The following SMARCA4 variants were observed in gnomAD, a reference collection of about 807,000 sequenced individuals.
SMARCA4 encodes SWI/SNF-related matrix-associated actin-dependent regulator of chromatin subfamily A member 4.
SMARCA4 carries 31 observed loss-of-function variants against 193.9 expected under a neutral mutation model. The ratio of observed to expected loss-of-function variants is 0.16; its 90% confidence interval spans 0.12 to 0.22. SMARCA4 has a LOEUF of 0.22. SMARCA4 is among the 10% of genes least tolerant of loss of function. The pLI is 1.00. For missense variants in SMARCA4, 1,148 were observed against 2,296.0 expected, an observed-to-expected ratio of 0.50 and a Z score of 10.22; for synonymous variants, 942 against 933.1, an observed-to-expected ratio of 1.01 and a Z score of -0.17.
chr19:11,059,014 C>T, intron 32 of SMARCA4, 125 bp downstream of exon 32: 1 of 770,052 alleles, frequency 1.3e-6, no homozygotes, highest in Non-Finnish European at 2.2e-6. Context: ...GTGGTTCGTG[C>T]CTGTAATCCC....
At chr19:11,045,942 GTC>G (rs1302228964) in intron 30 of SMARCA4, among the ~76,000 whole-genome samples, 3 of 151,838 alleles carry the variant, frequency 2.0e-5, no homozygotes, top group Non-Finnish European at 4.4e-5. Context: ...GAAAAAAAAA[GTC>G]TGGGTGTGGT....
rs112814729 is a variant in SMARCA4, at chr19:10,995,076, A to C, written c.1593+75A>C. 7.9e-4 allele frequency: 1,091 copies of C among 1,373,436 alleles called. 14 individuals are homozygous for C. In the African/African-American group the frequency reaches 0.013, roughly 16 times the overall value. The allele number at this position is 1,373,436 out of a possible 1,614,324, so 85.1% of individuals were successfully genotyped here. ...CTGCGGGCTCCAGGGGTCACTCCCC[A>C]GGGTTACGCCAAGGCATTTCACAGC... On this transcript the variant is annotated intron_variant, in intron 9 of 34. Transcript: ENST00000344626.
chr19:10,976,376 TG>T (rs1351862913), intron 1 of SMARCA4, among the ~76,000 whole-genome samples: 2 of 152,178 alleles, frequency 1.3e-5, no homozygotes, highest in East Asian at 3.9e-4. Flanking sequence ...GAGGGTGAGC[TG>T]GCCAGGAGGA....
chr19:11,025,439 G>T lies in SMARCA4; in HGVS notation c.3099G>T (p.Lys1033Asn). The T allele has an allele frequency of 6.2e-7, 1 of 1,612,388 alleles. No homozygotes were observed. Among genetic ancestry groups the T allele is most frequent in the South Asian group, 1.1e-5 (1 of 91,036 alleles). ...EKDKKGKGGT[K>N]TLMNTIMQLR... ...CCTTCCAGGGCAAAGGCGGCACCAAGACCCTGATGAACACCATCATGCAGC... is the reference window on the plus strand; with the variant it reads ...CCTTCCAGGGCAAAGGCGGCACCAATACCCTGATGAACACCATCATGCAGC... The change falls in exon 22 of 35, where the codon AAG (lysine) becomes AAT (asparagine). Residue 1033 changes from lysine to asparagine, a missense_variant. Physicochemically the swap from Lys to Asn is moderately conservative, Grantham distance 94. This residue lies in a region of SMARCA4 where 74 missense variants were observed against 392.3 expected (regional missense o/e 0.19). Coordinates refer to ENST00000344626, the MANE Select transcript of SMARCA4 (RefSeq NM_003072.5).
In SMARCA4 at chr19:11,033,957, T is replaced by TGTGCGTGTGC; in HGVS notation, c.3873+96_3873+105dup. 1 of 744,606 alleles carries TGTGCGTGTGC rather than the reference T, an allele frequency of 1.3e-6. No homozygotes were observed. Among genetic ancestry groups the TGTGCGTGTGC allele is most frequent in the East Asian group, 2.5e-5 (1 of 39,408 alleles). 46.1% of individuals were successfully genotyped at this position (744,606 alleles called of 1,614,324 possible). On this transcript the variant is annotated intron_variant, in intron 27 of 34. Coordinates refer to ENST00000344626, the MANE Select transcript of SMARCA4 (RefSeq NM_003072.5). This position sits in a 1 kb window ranked among gnomAD's most constrained non-coding sequence, Gnocchi z 9.8. ...GGGCCCTGGTCCCACGGAGCGTGCG[T>TGTGCGTGTGC]GTGCGTGTGCGTGTGTGTGCCTTTC...
At chr19:11,060,821 C>T (rs557956439) in intron 34 of SMARCA4, among the ~76,000 whole-genome samples, 10 of 152,304 alleles carry the variant, frequency 6.6e-5, no homozygotes, top group Non-Finnish European at 1.3e-4. Flanking sequence ...TGAAGCCCAG[C>T]GAATGCCATT....
rs2075065802 is a variant in SMARCA4 at position 11,033,473 on chromosome 19, C to CG, written c.3731dup (p.Ala1245ArgfsTer14). The CG allele has an allele frequency of 6.2e-7, 1 of 1,613,174 alleles. No individual in the cohort carries two copies. Among genetic ancestry groups the CG allele is most frequent in the South Asian group, 1.1e-5 (1 of 91,092 alleles). On this transcript the variant is annotated frameshift_variant, in exon 26 of 35. Transcript: ENST00000344626. LOFTEE classifies it high-confidence loss of function. This position sits in a 1 kb window ranked among gnomAD's most constrained non-coding sequence, Gnocchi z 9.8. Reference sequence around the variant, plus strand: ...CCAGAAGTCCTCCAGCCATGAGCGGCGCGCCTTCCTGCAGGCCATCCTGGA... The same window carrying CG: ...CCAGAAGTCCTCCAGCCATGAGCGGCGGCGCCTTCCTGCAGGCCATCCTGGA...
chr19:11,054,219 C>T (rs1479677622), intron 30 of SMARCA4, among the ~76,000 whole-genome samples: 2 of 152,232 alleles, frequency 1.3e-5, no homozygotes, highest in Non-Finnish European at 2.9e-5. Context: ...GCAAACTAAA[C>T]ACTTGTTCCT....
chr19:10,972,402 A>C (rs1599837453), intron 1 of SMARCA4, among the ~76,000 whole-genome samples: 1 of 140,606 alleles, frequency 7.1e-6, no homozygotes, highest in African/African-American at 2.5e-5. Context: ...GGCCCTGAAT[A>C]CTTTTTTTTT....
intron 6 of SMARCA4, among the ~76,000 whole-genome samples, chr19:10,988,133 T>C (rs1459539514): frequency 1.3e-5 from 2 of 152,024 alleles, no homozygotes; most frequent in Non-Finnish European, 2.9e-5. Flanking sequence ...TCTTTTTTTT[T>C]TTTTGAGACG....
chr19:11,056,139 A>C (rs2076535297), intron 30 of SMARCA4: 2 of 152,220 alleles, frequency 1.3e-5, no homozygotes, highest in Non-Finnish European at 2.9e-5. Context: ...GAGAGGGAAG[A>C]GGTACAGGCC....
intron 20 of SMARCA4, 127 bp downstream of exon 20, chr19:11,023,758 G>A (rs541419561): frequency 1.4e-6 from 1 of 714,474 alleles, no homozygotes; most frequent in South Asian, 1.5e-5. Context: ...CTTGGGGGTG[G>A]CGATGACGCC....
rs1313729226 is a variant in SMARCA4 at position 11,041,853 on chromosome 19, G to A, written c.4424+293G>A. Among the ~76,000 whole-genome samples, 2 of 152,224 alleles carry A rather than the reference G, an allele frequency of 1.3e-5. No homozygotes were observed. The highest frequency in any genetic ancestry group is 4.8e-5 in the African/African-American group (2 of 41,458). The stretch of plus-strand genomic sequence containing the variant: ...ATTGCAGCAGAGCCTTGAGAGAGGG[G>A]AGGTTGGGGAGAGTGCACCAGCAGA... On this transcript the variant is annotated intron_variant, in intron 30 of 34. Coordinates refer to ENST00000344626, the MANE Select transcript of SMARCA4 (RefSeq NM_003072.5). The surrounding 1 kb of genome is among the most constrained non-coding windows in gnomAD (Gnocchi z 5.6).
chr19:11,033,970 G>A lies in SMARCA4; in HGVS notation c.3873+105G>A. ...ACGGAGCGTGCGTGTGCGTGTGCGT[G>A]TGTGTGCCTTTCGCTGCCGTGTGGG... On this transcript the variant is annotated intron_variant, in intron 27 of 34. Coordinates refer to ENST00000344626, the MANE Select transcript of SMARCA4 (RefSeq NM_003072.5). This position sits in a 1 kb window ranked among gnomAD's most constrained non-coding sequence, Gnocchi z 9.8. The A allele has an allele frequency of 1.3e-6, 1 of 751,256 alleles. No homozygotes were observed. 46.5% of individuals were successfully genotyped at this position (751,256 alleles called of 1,614,324 possible).
rs554070742 is a variant in SMARCA4 at position 10,971,006 on chromosome 19, C to G, written c.-32+9832C>G. On this transcript the variant is annotated intron_variant, in intron 1 of 34. Transcript: ENST00000344626. ...CTGAGGTCGGGAGTTTGAGACCATC[C>G]TGACCAACATGGAGAAACCTAGTCT... Among the ~76,000 whole-genome samples the G allele has an allele frequency of 1.4e-3, 209 of 152,210 alleles. 1 individual carries two copies. Among genetic ancestry groups the G allele is most frequent in the African/African-American group, 4.8e-3 (198 of 41,552 alleles).
intron 29 of SMARCA4, chr19:11,039,363 G>A (rs2075442222): frequency 1.5e-6 from 1 of 653,114 alleles, no homozygotes; most frequent in East Asian, 3.2e-5. Flanking sequence ...CTGAAAAAAA[G>A]GGAAATGACC....
In SMARCA4 at chr19:11,030,598, T is replaced by C. The variant is rs1164248175; in HGVS notation, c.3383-132T>C. On this transcript the variant is annotated intron_variant, in intron 24 of 34. Coordinates refer to ENST00000344626, the MANE Select transcript of SMARCA4 (RefSeq NM_003072.5). This position sits in a 1 kb window ranked among gnomAD's most constrained non-coding sequence, Gnocchi z 5.5. ...GTGGCCCACAGGCCCGTGTGGAGAG[T>C]GCGGAGCCAGGGATCTGGGGATGCT... The C allele has an allele frequency of 2.5e-6, 2 of 803,596 alleles. No homozygotes were observed. Among genetic ancestry groups the C allele is most frequent in the Non-Finnish European group, 2.1e-6 (1 of 482,540 alleles). 49.8% of individuals were successfully genotyped at this position (803,596 alleles called of 1,614,324 possible). A position where few individuals can be genotyped will look rare whatever the true frequency, so the allele number is the denominator to read the frequency against.
chr19:11,008,641 C>T (rs145270417), intron 14 of SMARCA4, among the ~76,000 whole-genome samples: 43 of 152,294 alleles, frequency 2.8e-4, no homozygotes, highest in African/African-American at 8.4e-4. Flanking sequence ...ACAGTAATCT[C>T]TTCATTGCTT....
chr19:11,041,291 A>C lies in SMARCA4; in HGVS notation c.4171-16A>C. On this transcript the variant is annotated splice_polypyrimidine_tract_variant and intron_variant, in intron 29 of 34. Coordinates refer to ENST00000344626, the MANE Select transcript of SMARCA4 (RefSeq NM_003072.5). The surrounding 1 kb of genome is among the most constrained non-coding windows in gnomAD (Gnocchi z 5.6). ...TGGGTGCTGGCTGTCCTATTTTACT[A>C]CTATTGACCCTGAAGGCCATCGAGG... The C allele has an allele frequency of 6.3e-7, 1 of 1,599,966 alleles. No individual in the cohort carries two copies. The highest frequency in any genetic ancestry group is 8.5e-7 in the Non-Finnish European group (1 of 1,173,256).
Sources: allele counts gnomAD v4.1 joint callset (sites outside exome capture counted in the v4.1 genomes callset), GRCh38; gene constraint gnomAD v4.1.1; regional missense constraint gnomAD v4.1.1; non-coding constraint Gnocchi (gnomAD v3.1); transcripts MANE v1.5; gene names NCBI Gene and HGNC (gene_info 2026-07-23, HGNC 2026-07-21).